The following PRSS56 variants were observed in gnomAD, a reference collection of about 807,000 sequenced individuals.
PRSS56 encodes the protein serine protease 56, also known as protease, serine 56.
PRSS56 carries 55 observed loss-of-function variants against 66.8 expected under a neutral mutation model. The observed-to-expected ratio is 0.82, with a 90% CI of 0.66 to 1.03. The LOEUF is 1.03. Among genes scored for constraint, PRSS56 ranks in the 50% least tolerant of loss-of-function variants. The probability of loss-of-function intolerance (pLI) is 0.00; values close to 1 mark genes in which losing one functional copy is unlikely to be tolerated. For synonymous variants in PRSS56, 409 were observed against 387.9 expected, an observed-to-expected ratio of 1.05 and a Z score of -0.64; for missense variants, 869 against 837.2, an observed-to-expected ratio of 1.04 and a Z score of -0.47.
At position 232,523,921 on chromosome 2, in the gene PRSS56, T is replaced by C. The variant is rs1319580378; in HGVS notation, c.1162T>C (p.Cys388Arg). 1 of 1,511,166 alleles carries C rather than the reference T, an allele frequency of 6.6e-7. No individual in the cohort carries two copies. Among genetic ancestry groups the C allele is most frequent in the Non-Finnish European group, 8.8e-7 (1 of 1,135,042 alleles). 93.6% of individuals were successfully genotyped at this position (1,511,166 alleles called of 1,614,324 possible). ...GACARLAHQQ[C>R]LQRRRRCELR... Reference sequence around the variant, plus strand: ...CTGTGCGCGCCTGGCGCACCAGCAGTGCCTGCAGCGCCGGCGGCGATGCGG... The same window carrying C: ...CTGTGCGCGCCTGGCGCACCAGCAGCGCCTGCAGCGCCGGCGGCGATGCGG... The change falls in exon 9 of 13, where the codon TGC (cysteine) becomes CGC (arginine). Residue 388 changes from cysteine (C) to arginine (R), a missense_variant. Physicochemically the swap from Cys to Arg is radical, Grantham distance 180 (BLOSUM62 -3). This residue lies in a region of PRSS56 where 551 missense variants were observed against 506.9 expected (regional missense o/e 1.09). Coordinates refer to ENST00000617714, the MANE Select transcript of PRSS56 (RefSeq NM_001195129.2).
rs2106202214 is a variant in PRSS56 at position 232,523,901 on chromosome 2, CGCGCCTGGCGCA to C, written c.1143_1154del (p.Arg382_His385del). ...TGCCCGGGGTCCCAGGGCGCCTGTG[CGCGCCTGGCGCA>C]CCAGCAGTGCCTGCAGCGCCGGCGG... On this transcript the variant is annotated inframe_deletion, in exon 9 of 13. Transcript: ENST00000617714. The C allele has an allele frequency of 6.6e-7, 1 of 1,519,238 alleles. No individual in the cohort carries two copies. The highest frequency in any genetic ancestry group is 1.2e-5 in the South Asian group (1 of 82,406). 94.1% of individuals were successfully genotyped at this position (1,519,238 alleles called of 1,614,324 possible). A position where few individuals can be genotyped will look rare whatever the true frequency, so the allele number is the denominator to read the frequency against.
At chr2:232,523,736 C>A in intron 8 of PRSS56, 36 bp from the exon 9 acceptor site, 1 of 1,533,668 alleles carries the variant, frequency 6.5e-7, no homozygotes, top group Non-Finnish European at 8.7e-7. Flanking sequence ...GGGCCCCAAA[C>A]AGAGGGTGAG....
intron 11 of PRSS56, 70 bp from the exon 12 acceptor site, chr2:232,524,668 G>C: frequency 9.0e-7 from 1 of 1,106,040 alleles, no homozygotes; most frequent in Non-Finnish European, 1.3e-6. Context: ...CTGAGGTGCT[G>C]GTGGGAGTGC....
rs1053633925 is a variant in PRSS56, at chr2:232,520,643, G to A, written c.45G>A (p.Trp15Ter). Reference protein sequence around the residue: ...VLLLLPLPSSWFAHGHPLYTR... With the variant: ...VLLLLPLPSS ...TGCTGCTACCCCTCCCAAGCTCATG[G>A]TTTGCCCACGGGCACCCACTGTACA... is the stretch of plus-strand genomic sequence containing the variant. Residue 15 changes from tryptophan to a stop codon, truncating the protein, a stop_gained, in exon 1 of 13, where the codon TGG becomes TGA. Transcript: ENST00000617714. LOFTEE classifies it high-confidence loss of function. 3.3e-6 allele frequency: 5 copies of A among 1,536,086 alleles called. No individual in the cohort carries two copies. The Admixed American group carries it at 7.8e-5, about 24-fold the overall frequency.
rs1197936274 is a variant in PRSS56 at position 232,521,431 on chromosome 2, G to A, written c.205+3G>A. 6.5e-7 allele frequency: 1 copy of A among 1,534,582 alleles called. No individual in the cohort carries two copies. The highest frequency in any genetic ancestry group is 1.4e-5 in the African/African-American group (1 of 73,144). On this transcript the variant is annotated splice_donor_region_variant and intron_variant, in intron 2 of 12. Transcript: ENST00000617714. ...GCACAGATCGCACGAGTGCCGAGGT[G>A]CCCACCCTGCCCCCCGTGCCCCAGT...
intron 2 of PRSS56, among the ~76,000 whole-genome samples, 182 bp from the exon 3 acceptor site, chr2:232,521,634 G>A (rs1691279536): frequency 6.6e-6 from 1 of 152,254 alleles, no homozygotes; most frequent in African/African-American, 2.4e-5. Flanking sequence ...CAAAGGCAGG[G>A]AGGCGGAAAC....
rs1229695493 is a variant in PRSS56, at chr2:232,523,167, GC to G, written c.816del (p.Tyr274ThrfsTer17). The part of the protein sequence containing the change: ...PGLRPSTMLC[A>X]GYLAGGVDSC... The stretch of plus-strand genomic sequence containing the variant: ...GCTGCGCCCCAGCACCATGCTCTGC[GC>G]CGGGTACCTGGCGGGGGGCGTTGAC... On this transcript the variant is annotated frameshift_variant, in exon 7 of 13. Transcript: ENST00000617714. LOFTEE classifies it high-confidence loss of function. 6.7e-7 allele frequency: 1 copy of G among 1,497,974 alleles called. No homozygotes were observed. Among genetic ancestry groups the G allele is most frequent in the Non-Finnish European group, 8.9e-7 (1 of 1,127,694 alleles). The allele number at this position is 1,497,974 out of a possible 1,614,324, so 92.8% of individuals were successfully genotyped here. A position where few individuals can be genotyped will look rare whatever the true frequency, so the allele number is the denominator to read the frequency against.
intron 2 of PRSS56, 85 bp from the exon 3 acceptor site, chr2:232,521,731 G>C (rs1013669872): frequency 7.4e-7 from 1 of 1,348,254 alleles, no homozygotes; most frequent in Non-Finnish European, 1.0e-6. Context: ...CGAAAGGAGA[G>C]ATGGGGAGAG....
In PRSS56 at chr2:232,522,506, G is replaced by A; in HGVS notation, c.447-9G>A. 6.5e-7 allele frequency: 1 copy of A among 1,526,806 alleles called. No individual in the cohort carries two copies. The highest frequency in any genetic ancestry group is 8.8e-7 in the Non-Finnish European group (1 of 1,141,930). 94.6% of individuals were successfully genotyped at this position (1,526,806 alleles called of 1,614,324 possible). ...CCTTCCTGCGTCTCAGCTGCCGCTC[G>A]ACCCGCAGCGCCCCGAATGAGCTTC... is the stretch of plus-strand genomic sequence containing the variant. On this transcript the variant is annotated splice_polypyrimidine_tract_variant and intron_variant, in intron 4 of 12. Transcript: ENST00000617714.
At position 232,523,114 on chromosome 2, in the gene PRSS56, A is replaced by T; in HGVS notation, c.761A>T (p.Asp254Val). The change falls in exon 7 of 13, where the codon GAC (aspartate) becomes GTC (valine). Residue 254 changes from aspartate to valine, a missense_variant. Transcript: ENST00000617714. ...GCCCGTGTTCCCCTGCTCAGCACCGACACCTGCCGAAGAGCCCTGGGGCCC... is the reference window on the plus strand; with the variant it reads ...GCCCGTGTTCCCCTGCTCAGCACCGTCACCTGCCGAAGAGCCCTGGGGCCC... ...REARVPLLST[D>V]TCRRALGPGL... The T allele has an allele frequency of 6.5e-7, 1 of 1,534,732 alleles. No homozygotes were observed. The highest frequency in any genetic ancestry group is 8.7e-7 in the Non-Finnish European group (1 of 1,146,194).
In PRSS56 at chr2:232,522,024, C is replaced by G. The variant is rs1308758299; in HGVS notation, c.310C>G (p.Arg104Gly). ...TGCCAATGTGACGCGGGCCCACGGC[C>G]GCATCGTGGGGGGCAGCGCGGCGCC... ...STANVTRAHG[R>G]IVGGSAAPPG... Residue 104 changes from arginine to glycine, a missense_variant, in exon 4 of 13, where the codon CGC (arginine) becomes GGC (glycine). Physicochemically the swap from Arg to Gly is moderately radical, Grantham distance 125 (BLOSUM62 -2). Transcript: ENST00000617714. The G allele has an allele frequency of 6.9e-7, 1 of 1,457,718 alleles. No individual in the cohort carries two copies. The highest frequency in any genetic ancestry group is 9.0e-7 in the Non-Finnish European group (1 of 1,111,796). 90.3% of individuals were successfully genotyped at this position (1,457,718 alleles called of 1,614,324 possible).
rs1691339326 is a variant in PRSS56, at chr2:232,523,884, G to A, written c.1125G>A (p.Gly375=). Residue 375 remains glycine, a synonymous_variant, in exon 9 of 13, where the codon GGG becomes GGA. Transcript: ENST00000617714. ...CCTTCTATGCCCGCCTGTGCCCGGGGTCCCAGGGCGCCTGTGCGCGCCTGG... is the reference window on the plus strand; with the variant it reads ...CCTTCTATGCCCGCCTGTGCCCGGGATCCCAGGGCGCCTGTGCGCGCCTGG... ...LCAFYARLCP[G]SQGACARLAH... is the part of the protein sequence containing the mutation. The A allele has an allele frequency of 6.6e-7, 1 of 1,526,554 alleles. No homozygotes were observed. Among genetic ancestry groups the A allele is most frequent in the African/African-American group, 1.4e-5 (1 of 72,382 alleles). The allele number at this position is 1,526,554 out of a possible 1,614,324, so 94.6% of individuals were successfully genotyped here. A position where few individuals can be genotyped will look rare whatever the true frequency, so the allele number is the denominator to read the frequency against.
rs1382190904 is a variant in PRSS56, at chr2:232,524,433, C to T, written c.1414+64C>T. ...CTGAGGGCCTGGACGAGGTCGGAAG[C>T]GCTTCTACTGCAGCTCCGGAAAGGG... On this transcript the variant is annotated intron_variant, in intron 11 of 12. Transcript: ENST00000617714. The T allele has an allele frequency of 9.5e-6, 14 of 1,467,576 alleles. No homozygotes were observed. In the East Asian group the frequency reaches 1.7e-4, roughly 18 times the overall value. The allele number at this position is 1,467,576 out of a possible 1,614,324, so 90.9% of individuals were successfully genotyped here.
In PRSS56 at chr2:232,521,877, A is replaced by C. The variant is rs1691284798; in HGVS notation, c.256+11A>C. On this transcript the variant is annotated intron_variant, in intron 3 of 12. Transcript: ENST00000617714. Reference sequence around the variant, plus strand: ...ACCCACCTGAGCCAGGTGAGGTTGAAAAGGCTCGAGGGGGCAGGCCTGAGA... The same window carrying C: ...ACCCACCTGAGCCAGGTGAGGTTGACAAGGCTCGAGGGGGCAGGCCTGAGA... 10 of 1,535,412 alleles carry C rather than the reference A, an allele frequency of 6.5e-6. No individual in the cohort carries two copies. Among genetic ancestry groups the C allele is most frequent in the Non-Finnish European group, 7.9e-6 (9 of 1,146,438 alleles).
In PRSS56 at chr2:232,524,311, G is replaced by T; in HGVS notation, c.1356G>T (p.Ser452=). Residue 452 remains serine (S), a synonymous_variant, in exon 11 of 13, where the codon TCG becomes TCT. Transcript: ENST00000617714. ...PARELRLHSG[S]RAAGTRFPKR... is the part of the protein sequence containing the mutation. ...CCTAACCCTGTGCCTCCCCAGGATC[G>T]CGGGCTGCAGGCACTCGGTTCCCGA... is the stretch of plus-strand genomic sequence containing the variant. 6.5e-7 allele frequency: 1 copy of T among 1,535,718 alleles called. No homozygotes were observed. Among genetic ancestry groups the T allele is most frequent in the African/African-American group, 1.4e-5 (1 of 73,162 alleles).
rs1302625980 is a variant in PRSS56, at chr2:232,522,081, C to A, written c.367C>A (p.Gln123Lys). 2.6e-6 allele frequency: 4 copies of A among 1,516,976 alleles called. No individual in the cohort carries two copies. Among genetic ancestry groups the A allele is most frequent in the Non-Finnish European group, 2.6e-6 (3 of 1,139,082 alleles). The allele number at this position is 1,516,976 out of a possible 1,614,324, so 94.0% of individuals were successfully genotyped here. ...GGCCTGGCCCTGGCTGGTGAGGCTGCAGCTCGGCGGGCAGCCTCTGTGCGG... is the reference window on the plus strand; with the variant it reads ...GGCCTGGCCCTGGCTGGTGAGGCTGAAGCTCGGCGGGCAGCCTCTGTGCGG... ...PGAWPWLVRL[Q>K]LGGQPLCGGV... The change falls in exon 4 of 13, where the codon CAG becomes AAG. Residue 123 changes from glutamine (Q) to lysine (K), a missense_variant. Transcript: ENST00000617714.
rs1246424123 is a variant in PRSS56 at position 232,525,393 on chromosome 2, C to G, written c.1699C>G (p.Leu567Val). The G allele has an allele frequency of 8.5e-6, 13 of 1,534,054 alleles. No homozygotes were observed. The highest frequency in any genetic ancestry group is 5.9e-5 in the Admixed American group (3 of 50,944). Reference protein sequence around the residue: ...QALQAFRVAALAEGEPEGPWM... With the variant: ...QALQAFRVAAVAEGEPEGPWM... ...CCTGCAGGCCTTCCGCGTGGCTGCCCTGGCAGAAGGGGAGCCCGAGGGACC... is the reference window on the plus strand; with the variant it reads ...CCTGCAGGCCTTCCGCGTGGCTGCCGTGGCAGAAGGGGAGCCCGAGGGACC... Residue 567 changes from leucine to valine, a missense_variant, in exon 13 of 13, where the codon CTG becomes GTG. Transcript: ENST00000617714.
At chr2:232,525,081 A>G in intron 12 of PRSS56, 135 bp from the exon 13 acceptor site, 1 of 941,512 alleles carries the variant, frequency 1.1e-6, no homozygotes, top group East Asian at 2.7e-5. Flanking sequence ...GGGAGTGTCC[A>G]CATGAGCGGG....
At chr2:232,523,657 A>G in intron 8 of PRSS56, 79 bp downstream of exon 8, 1 of 1,511,342 alleles carries the variant, frequency 6.6e-7, no homozygotes, top group Non-Finnish European at 8.8e-7. Flanking sequence ...CACCCGGCCC[A>G]TGCCCATTCC....
Sources: allele counts gnomAD v4.1 joint callset (sites outside exome capture counted in the v4.1 genomes callset), GRCh38; gene constraint gnomAD v4.1.1; regional missense constraint gnomAD v4.1.1; transcripts MANE v1.5; gene names NCBI Gene and HGNC (gene_info 2026-07-23, HGNC 2026-07-21).